The following TMEM39A variants were observed in gnomAD, a reference collection of about 807,000 sequenced individuals.
TMEM39A encodes the protein transmembrane protein 39A, also known as suppressor of SQST-1 aggregates in rpl-43 mutants.
A neutral mutation model predicts 51.9 loss-of-function variants in TMEM39A; 19 were observed. The ratio of observed to expected loss-of-function variants is 0.37; its 90% CI spans 0.26 to 0.54. The LOEUF is 0.54. TMEM39A is among the 20% of genes least tolerant of loss of function. The pLI, the probability that TMEM39A is intolerant of heterozygous loss-of-function variation, is 0.88. For synonymous variants in TMEM39A, 197 were observed against 220.2 expected (o/e 0.89, Z 0.93); for missense variants, 433 against 590.5 (o/e 0.73, Z 2.76).
In TMEM39A at chr3:119,430,819, C is replaced by T. The variant is rs1366549040; in HGVS notation, c.*1162G>A. The T allele has an allele frequency of 6.6e-6, 1 of 152,052 alleles. No individual in the cohort carries two copies. The highest frequency in any genetic ancestry group is 6.6e-5 in the Admixed American group (1 of 15,258). 9.4% of individuals were successfully genotyped at this position (152,052 alleles called of 1,614,324 possible). A position where few individuals can be genotyped will look rare whatever the true frequency, so the allele number is the denominator to read the frequency against. On this transcript the variant is annotated 3_prime_UTR_variant, in exon 9 of 9. Coordinates refer to ENST00000319172, the MANE Select transcript of TMEM39A (RefSeq NM_018266.3). ...TTACTTCATAAGTCTTATTTTGTTTCACCAAAAGCTTCACAGTGTAACAAA... is the reference window on the plus strand; with the variant it reads ...TTACTTCATAAGTCTTATTTTGTTTTACCAAAAGCTTCACAGTGTAACAAA...
In TMEM39A at chr3:119,429,537, T is replaced by C. The variant is rs796841907; in HGVS notation, c.*2444A>G. On this transcript the variant is annotated 3_prime_UTR_variant, in exon 9 of 9. Transcript: ENST00000319172. Reference sequence around the variant, plus strand: ...TCATTCTTTAATGATTACACATTTTTCTACTATCAGTGAGCAAATATAGTG... The same window carrying C: ...TCATTCTTTAATGATTACACATTTTCCTACTATCAGTGAGCAAATATAGTG... 9 of 152,286 alleles carry C rather than the reference T, an allele frequency of 5.9e-5. No homozygotes were observed. Among genetic ancestry groups the C allele is most frequent in the African/African-American group, 2.2e-4 (9 of 41,562 alleles). The allele number at this position is 152,286 out of a possible 1,614,324, so 9.4% of individuals were successfully genotyped here.
chr3:119,460,670 A>C (rs894548954), intron 2 of TMEM39A, among the ~76,000 whole-genome samples: 1 of 152,208 alleles, frequency 6.6e-6, no homozygotes, highest in East Asian at 1.9e-4. Flanking sequence ...TCTAGAGAAC[A>C]TAATTATCTA....
At chr3:119,435,032 T>A in intron 7 of TMEM39A, 150 bp from the exon 8 acceptor site, 1 of 1,396,264 alleles carries the variant, frequency 7.2e-7, no homozygotes. Flanking sequence ...ATGGTCAAAC[T>A]GGAGTAGTTT....
In TMEM39A at chr3:119,430,029, T is replaced by A. The variant is rs963143783; in HGVS notation, c.*1952A>T. ...CATTTTGCTCTCAACTGCTGAGTAA[T>A]CTCATGAAAATGTTGCTGCCAAGAG... On this transcript the variant is annotated 3_prime_UTR_variant, in exon 9 of 9. Coordinates refer to ENST00000319172, the MANE Select transcript of TMEM39A (RefSeq NM_018266.3). The A allele has an allele frequency of 3.9e-5, 6 of 152,076 alleles. No individual in the cohort carries two copies. The allele number at this position is 152,076 out of a possible 1,614,324, so 9.4% of individuals were successfully genotyped here.
chr3:119,454,134 G>T (rs547505193), intron 3 of TMEM39A, among the ~76,000 whole-genome samples: 1 of 152,186 alleles, frequency 6.6e-6, no homozygotes. Flanking sequence ...AAGAAGGCTG[G>T]AGTGAGATAA....
At chr3:119,443,205 T>G (rs1400856339) in intron 5 of TMEM39A, among the ~76,000 whole-genome samples, 1 of 152,086 alleles carries the variant, frequency 6.6e-6, no homozygotes, top group African/African-American at 2.4e-5. Flanking sequence ...GTAAAGATGC[T>G]GAGAACACTG....
At chr3:119,446,634 C>T (rs1204582979) in intron 5 of TMEM39A, 2 of 158,442 alleles carry the variant, frequency 1.3e-5, no homozygotes, top group Non-Finnish European at 2.8e-5. Context: ...TTACAGGAAA[C>T]AGAAGATCAA....
In TMEM39A at chr3:119,432,010, G is replaced by C; in HGVS notation, c.1438C>G (p.Leu480Val). 6.2e-7 allele frequency: 1 copy of C among 1,609,398 alleles called. No homozygotes were observed. Among genetic ancestry groups the C allele is most frequent in the Non-Finnish European group, 8.5e-7 (1 of 1,177,128 alleles). Reference sequence around the variant, plus strand: ...TTTGCCTTGAGTTCATAACTGTTGAGTGGGTAGGAGTATGCCCTGCCTAAT... The same window carrying C: ...TTTGCCTTGAGTTCATAACTGTTGACTGGGTAGGAGTATGCCCTGCCTAAT... The part of the protein sequence containing the change: ...IVLGRAYSYP[L>V]NSYELKAN Residue 480 changes from leucine to valine, a missense_variant, in exon 9 of 9, where the codon CTC becomes GTC. By Grantham distance (32) the Leu-to-Val change is conservative. Coordinates refer to ENST00000319172, the MANE Select transcript of TMEM39A (RefSeq NM_018266.3).
chr3:119,458,707 C>T (rs907782412), intron 2 of TMEM39A, among the ~76,000 whole-genome samples: 1 of 152,008 alleles, frequency 6.6e-6, no homozygotes, highest in Non-Finnish European at 1.5e-5. Context: ...CCAGCCTGGC[C>T]AACATGATGA....
At chr3:119,450,826 C>CAAAAAAAAAAA (rs60326718) in intron 4 of TMEM39A, among the ~76,000 whole-genome samples, 1 of 55,898 alleles carries the variant, frequency 1.8e-5, no homozygotes, top group African/African-American at 7.3e-5. Context: ...GACTCCATCT[C>CAAAAAAAAAAA]AAAAAAAAAA....
intron 8 of TMEM39A, 64 bp downstream of exon 8, chr3:119,434,698 C>CA: frequency 6.3e-7 from 1 of 1,590,954 alleles, no homozygotes; most frequent in Non-Finnish European, 8.6e-7. Context: ...CATGCTTCCA[C>CA]ATAGAGTGGC....
intron 3 of TMEM39A, among the ~76,000 whole-genome samples, chr3:119,457,763 A>G (rs1383546607): frequency 6.6e-6 from 1 of 151,948 alleles, no homozygotes; most frequent in Non-Finnish European, 1.5e-5. Context: ...AAATACCAAA[A>G]CCTTTCCGTG....
At chr3:119,448,338 T>C (rs972683702) in intron 4 of TMEM39A, among the ~76,000 whole-genome samples, 1 of 152,134 alleles carries the variant, frequency 6.6e-6, no homozygotes, top group African/African-American at 2.4e-5. Flanking sequence ...AAGATCCCCA[T>C]AACCTCTAAG....
At chr3:119,458,509 G>A (rs886364585) in intron 2 of TMEM39A, among the ~76,000 whole-genome samples, 2 of 152,106 alleles carry the variant, frequency 1.3e-5, no homozygotes, top group African/African-American at 2.4e-5. Flanking sequence ...ACTCCCTACT[G>A]GACATCTCTG....
At position 119,431,934 on chromosome 3, in the gene TMEM39A, T is replaced by C. The variant is rs772234890; in HGVS notation, c.*47A>G. 8.1e-7 allele frequency: 1 copy of C among 1,241,524 alleles called. No individual in the cohort carries two copies. The highest frequency in any genetic ancestry group is 1.1e-6 in the Non-Finnish European group (1 of 901,294). 76.9% of individuals were successfully genotyped at this position (1,241,524 alleles called of 1,614,324 possible). On this transcript the variant is annotated 3_prime_UTR_variant, in exon 9 of 9. Coordinates refer to ENST00000319172, the MANE Select transcript of TMEM39A (RefSeq NM_018266.3). Reference sequence around the variant, plus strand: ...AAAATCACAAGAAAAAAATAGAACGTATGAAAATATTTTTATCTGAGTTCT... The same window carrying C: ...AAAATCACAAGAAAAAAATAGAACGCATGAAAATATTTTTATCTGAGTTCT...
chr3:119,441,078 T>C (rs773572075), intron 5 of TMEM39A, among the ~76,000 whole-genome samples: 1 of 152,204 alleles, frequency 6.6e-6, no homozygotes, highest in Non-Finnish European at 1.5e-5. Flanking sequence ...TTTGTTCTCA[T>C]TGTTCCATCA....
chr3:119,431,919 G>T lies in TMEM39A; in HGVS notation c.*62C>A, dbSNP rs2080905857. On this transcript the variant is annotated 3_prime_UTR_variant, in exon 9 of 9. Transcript: ENST00000319172. ...TCTTAAATATTTATAAAAATCACAA[G>T]AAAAAAATAGAACGTATGAAAATAT... The T allele has an allele frequency of 2.7e-6, 3 of 1,124,704 alleles. No individual in the cohort carries two copies. Among genetic ancestry groups the T allele is most frequent in the Middle Eastern group, 4.6e-4 (2 of 4,378 alleles). 69.7% of individuals were successfully genotyped at this position (1,124,704 alleles called of 1,614,324 possible).
intron 5 of TMEM39A, among the ~76,000 whole-genome samples, chr3:119,444,577 G>C (rs2081097949): frequency 6.6e-6 from 1 of 152,114 alleles, no homozygotes; most frequent in Admixed American, 6.5e-5. Context: ...ATTATGACTT[G>C]ATTTTATACT....
chr3:119,459,892 T>C (rs1029932862), intron 2 of TMEM39A, among the ~76,000 whole-genome samples: 6 of 152,222 alleles, frequency 3.9e-5, no homozygotes, highest in Non-Finnish European at 5.9e-5. Context: ...AAGTGAGTTC[T>C]CCTCATCTGG....
Sources: allele counts gnomAD v4.1 joint callset (sites outside exome capture counted in the v4.1 genomes callset), GRCh38; gene constraint gnomAD v4.1.1; transcripts MANE v1.5; gene names NCBI Gene and HGNC (gene_info 2026-07-23, HGNC 2026-07-21).